ZNF699: variants seen among roughly 807,000 people sequenced by gnomAD.
ZNF699 encodes the protein zinc finger protein 699, also known as hangover homolog.
Under a neutral mutation model 22.5 loss-of-function variants are expected in ZNF699, and 18 were observed. The observed-to-expected ratio is 0.80, with a 90% CI of 0.55 to 1.19. ZNF699 has a LOEUF of 1.19. Among genes scored for constraint, ZNF699 ranks in the 50% most tolerant of loss-of-function variants. The pLI is 0.00. For missense variants in ZNF699, 670 were observed against 763.4 expected (o/e 0.88, Z 1.44); for synonymous variants, 241 against 262.3 (o/e 0.92, Z 0.78).
chr19:9,304,482 G>A (rs541093835), intron 2 of ZNF699, among the ~76,000 whole-genome samples: 56 of 152,108 alleles, frequency 3.7e-4, no homozygotes, highest in African/African-American at 1.3e-3. Flanking sequence ...TTGTATTCTA[G>A]GCCAGTGGTC....
In ZNF699 at chr19:9,297,408, C is replaced by T; in HGVS notation, c.358G>A (p.Glu120Lys). Residue 120 changes from glutamate (E) to lysine (K), a missense_variant, in exon 5 of 6, where the codon GAA (glutamate) becomes AAA (lysine). Glu to Lys is a moderately conservative substitution (Grantham distance 56, BLOSUM62 1). Coordinates refer to ENST00000591998, the MANE Select transcript of ZNF699 (RefSeq NM_198535.3). This position sits in a 1 kb window ranked among gnomAD's most constrained non-coding sequence, Gnocchi z 4.3. ...CTTTTGAATCTTACTATTTTCTGTT[C>T]ATTGGATATTTTTTCTCCACAAATA... ...QDICGEKISN[E>K]QKIVRFKRND... is the part of the protein sequence containing the mutation. 6.2e-7 allele frequency: 1 copy of T among 1,600,368 alleles called. No individual in the cohort carries two copies. The highest frequency in any genetic ancestry group is 8.5e-7 in the Non-Finnish European group (1 of 1,177,376).
rs1456333620 is a variant in ZNF699 at position 9,296,111 on chromosome 19, G to A, written c.1293C>T (p.Pro431=). The part of the protein sequence containing the change: ...CLECGKAFYL[P]TSLNTHVKNQ... ...TTTTCACATGTGTATTAAGGGAAGT[G>A]GGAAGGTAGAAGGCCTTTCCACATT... is the stretch of plus-strand genomic sequence containing the variant. Residue 431 remains proline, a synonymous_variant, in exon 6 of 6, where the codon CCC becomes CCT. Transcript: ENST00000591998. The A allele has an allele frequency of 5.6e-6, 9 of 1,613,462 alleles. No homozygotes were observed. The South Asian group carries it at 7.7e-5, about 14-fold the overall frequency.
In ZNF699 at chr19:9,296,813, G is replaced by A; in HGVS notation, c.591C>T (p.Cys197=). The A allele has an allele frequency of 6.2e-7, 1 of 1,614,154 alleles. No individual in the cohort carries two copies. The change falls in exon 6 of 6, where the codon TGC becomes TGT. Residue 197 remains cysteine (C), a synonymous_variant. Transcript: ENST00000591998. ...CCACGAAGGCCTTTCCACACTCATG[G>A]CATTCACAGGATTTTACTTCAGTAT... The part of the protein sequence containing the change: ...KRNTEVKSCE[C]HECGKAFVDH...
chr19:9,298,244 G>C (rs949686014), intron 3 of ZNF699, among the ~76,000 whole-genome samples: 2 of 151,024 alleles, frequency 1.3e-5, no homozygotes, highest in African/African-American at 2.4e-5. Context: ...TCAGGGGTTC[G>C]AGACTAGCCT....
rs1352439525 is a variant in ZNF699 at position 9,295,836 on chromosome 19, C to G, written c.1568G>C (p.Arg523Thr). 2 of 1,613,850 alleles carry G rather than the reference C, an allele frequency of 1.2e-6. No homozygotes were observed. Among genetic ancestry groups the G allele is most frequent in the Non-Finnish European group, 1.7e-6 (2 of 1,180,010 alleles). Residue 523 changes from arginine (R) to threonine (T), a missense_variant, in exon 6 of 6, where the codon AGA becomes ACA. Transcript: ENST00000591998. Reference protein sequence around the residue: ...ISSSHLTVHIRTHTGEKPYEC... With the variant: ...ISSSHLTVHITTHTGEKPYEC... ...ATAGGGTTTCTCTCCAGTGTGAGTT[C>G]TGATATGTACTGTAAGGTGGGAGGA... is the stretch of plus-strand genomic sequence containing the variant.
In ZNF699 at chr19:9,302,399, A is replaced by G. The variant is rs2066310831; in HGVS notation, c.154T>C (p.Phe52Leu). 3 of 1,613,802 alleles carry G rather than the reference A, an allele frequency of 1.9e-6. No homozygotes were observed. The highest frequency in any genetic ancestry group is 2.2e-5 in the South Asian group (2 of 91,088). The change falls in exon 3 of 6, where the codon TTC becomes CTC. Residue 52 changes from phenylalanine (F) to leucine (L), a missense_variant. Coordinates refer to ENST00000591998, the MANE Select transcript of ZNF699 (RefSeq NM_198535.3). ...TTACCTAGTGAGGCCAGGTTCTGGA[A>G]GTTTTCCAGCATCACATCTCTGTAG... ...NLYRDVMLEN[F>L]QNLASLGYPL...
At position 9,299,865 on chromosome 19, in the gene ZNF699, TA is replaced by T. The variant is rs59470657; in HGVS notation, c.176-1876del. On this transcript the variant is annotated intron_variant, in intron 3 of 5. Transcript: ENST00000591998. ...AGAACTCTTAAAACTCAACAATGTTTAAAAAAAAAAAAGACAAAAAAATGAG... is the reference window on the plus strand; with the variant it reads ...AGAACTCTTAAAACTCAACAATGTTTAAAAAAAAAAAGACAAAAAAATGAG... Among the ~76,000 whole-genome samples, 1,384 of 143,626 alleles carry T rather than the reference TA, an allele frequency of 9.6e-3. 21 individuals are homozygous for T. The highest frequency in any genetic ancestry group is 0.032 in the African/African-American group (1,252 of 38,782). The allele number at this position is 143,626 out of a possible 152,430, so 94.2% of individuals were successfully genotyped here. A position where few individuals can be genotyped will look rare whatever the true frequency, so the allele number is the denominator to read the frequency against.
rs192382455 is a variant in ZNF699 at position 9,293,885 on chromosome 19, T to C, written c.*1590A>G. On this transcript the variant is annotated 3_prime_UTR_variant, in exon 6 of 6. Transcript: ENST00000591998. ...TTATACTTTTAAAGGGAAAATATAATACTGTAGCTAAAGGTACCTGAAGCA... is the reference window on the plus strand; with the variant it reads ...TTATACTTTTAAAGGGAAAATATAACACTGTAGCTAAAGGTACCTGAAGCA... 1.3e-5 allele frequency among the ~76,000 whole-genome samples: 2 copies of C among 150,254 alleles called. No individual in the cohort carries two copies. Among genetic ancestry groups the C allele is most frequent in the Admixed American group, 1.3e-4 (2 of 15,060 alleles).
chr19:9,305,286 C>G (rs1269983901), intron 1 of ZNF699, among the ~76,000 whole-genome samples, 162 bp from the exon 2 acceptor site: 2 of 151,950 alleles, frequency 1.3e-5, no homozygotes, highest in Non-Finnish European at 1.5e-5. Context: ...CACACACACA[C>G]ATGCACACAC....
chr19:9,298,433 G>A (rs867558774), intron 3 of ZNF699, among the ~76,000 whole-genome samples: 17 of 139,726 alleles, frequency 1.2e-4, no homozygotes, highest in Middle Eastern at 0.011. Context: ...GCGACAGAGC[G>A]AGACTCTATC....
intron 3 of ZNF699, among the ~76,000 whole-genome samples, chr19:9,301,503 G>A (rs539911825): frequency 5.8e-4 from 88 of 152,260 alleles, no homozygotes; most frequent in African/African-American, 2.0e-3. Context: ...AATTTCCGTT[G>A]TTTTTAGCCA....
intron 1 of ZNF699, among the ~76,000 whole-genome samples, chr19:9,306,587 G>T (rs934933016): frequency 6.6e-6 from 1 of 152,212 alleles, no homozygotes; most frequent in Non-Finnish European, 1.5e-5. Context: ...ACCCTGATGT[G>T]AGAATGACTT....
At chr19:9,300,116 T>A (rs967656005) in intron 3 of ZNF699, among the ~76,000 whole-genome samples, 12 of 152,218 alleles carry the variant, frequency 7.9e-5, no homozygotes, top group African/African-American at 2.9e-4. Context: ...ATGCTCGCTC[T>A]GTCGCCCAGG....
rs181826354 is a variant in ZNF699, at chr19:9,297,096, T to C, written c.471-163A>G. 6.6e-6 allele frequency among the ~76,000 whole-genome samples: 1 copy of C among 152,360 alleles called. No homozygotes were observed. The highest frequency in any genetic ancestry group is 6.5e-5 in the Admixed American group (1 of 15,304). On this transcript the variant is annotated intron_variant, in intron 5 of 5. Transcript: ENST00000591998. The surrounding 1 kb of genome is among the most constrained non-coding windows in gnomAD (Gnocchi z 4.3). The stretch of plus-strand genomic sequence containing the variant: ...TTATTGACTCACGGGATTTTTCTGA[T>C]AATTGTTTACAACTGAAGTATGTGT...
At chr19:9,298,788 G>C (rs369488295) in intron 3 of ZNF699, among the ~76,000 whole-genome samples, 7 of 152,164 alleles carry the variant, frequency 4.6e-5, no homozygotes, top group African/African-American at 1.7e-4. Flanking sequence ...TAAAATGACT[G>C]CCTGTGTCAC....
At chr19:9,302,240 T>G in intron 3 of ZNF699, 138 bp downstream of exon 3, 1 of 979,136 alleles carries the variant, frequency 1.0e-6, no homozygotes, top group African/African-American at 1.6e-5. Context: ...AGACTGTAAG[T>G]TCCTTGGGGT....
At chr19:9,301,349 T>C (rs1395791759) in intron 3 of ZNF699, among the ~76,000 whole-genome samples, 1 of 151,962 alleles carries the variant, frequency 6.6e-6, no homozygotes, top group Non-Finnish European at 1.5e-5. Context: ...CATCTGTAAG[T>C]CAAGGAATGC....
At chr19:9,303,708 TTCCAGACACCAACCA>T (rs1162643401) in intron 2 of ZNF699, among the ~76,000 whole-genome samples, 1 of 152,158 alleles carries the variant, frequency 6.6e-6, no homozygotes, top group Non-Finnish European at 1.5e-5. Flanking sequence ...CTCTAGGGGC[TTCCAGACACCAACCA>T]TCTCATGAGC....
At position 9,297,504 on chromosome 19, in the gene ZNF699, T is replaced by G; in HGVS notation, c.287-25A>C. The G allele has an allele frequency of 6.5e-7, 1 of 1,537,680 alleles. No individual in the cohort carries two copies. Among genetic ancestry groups the G allele is most frequent in the Non-Finnish European group, 8.7e-7 (1 of 1,152,210 alleles). ...CCTGAAACGAAAAAAAGTGAAAGCT[T>G]CCATGAGCCAAGGACTTTTAGCAGA... On this transcript the variant is annotated intron_variant, in intron 4 of 5. Coordinates refer to ENST00000591998, the MANE Select transcript of ZNF699 (RefSeq NM_198535.3). The surrounding 1 kb of genome is among the most constrained non-coding windows in gnomAD (Gnocchi z 4.3).
Sources: allele counts gnomAD v4.1 joint callset (sites outside exome capture counted in the v4.1 genomes callset), GRCh38; gene constraint gnomAD v4.1.1; non-coding constraint Gnocchi (gnomAD v3.1); transcripts MANE v1.5; gene names NCBI Gene and HGNC (gene_info 2026-07-23, HGNC 2026-07-21).